The following KIAA1549L variants were observed in gnomAD, a reference collection of about 807,000 sequenced individuals.
The protein encoded by KIAA1549L is KIAA1549 like, also known as UPF0606 protein KIAA1549L.
A neutral mutation model predicts 160.7 loss-of-function variants in KIAA1549L; 88 were observed. The observed-to-expected ratio is 0.55, with a 90% confidence interval of 0.46 to 0.65. The LOEUF (loss-of-function observed/expected upper bound fraction) is 0.65. Among genes scored for constraint, KIAA1549L ranks in the 30% least tolerant of loss-of-function variants. KIAA1549L has a pLI of 0.00. For missense variants in KIAA1549L, 2,258 were observed against 2,437.5 expected (o/e 0.93, Z 1.55); for synonymous variants, 950 against 976.7 (o/e 0.97, Z 0.51).
intron 17 of KIAA1549L, among the ~76,000 whole-genome samples, chr11:33,652,727 T>G (rs760082410): frequency 2.6e-5 from 4 of 152,202 alleles, no homozygotes; most frequent in Non-Finnish European, 4.4e-5. Context: ...TCACTTGGTT[T>G]ATTGATAGTC....
chr11:33,608,305 G>T (rs1850561030), intron 14 of KIAA1549L, among the ~76,000 whole-genome samples: 1 of 152,186 alleles, frequency 6.6e-6, no homozygotes, highest in African/African-American at 2.4e-5. Context: ...TGATGATGAT[G>T]ATAATGATGA....
intron 1 of KIAA1549L, among the ~76,000 whole-genome samples, chr11:33,413,278 A>G (rs1026475972): frequency 6.6e-6 from 1 of 150,936 alleles, no homozygotes; most frequent in African/African-American, 2.4e-5. Context: ...TTTTAAATCA[A>G]GAATACCTCT....
intron 4 of KIAA1549L, among the ~76,000 whole-genome samples, chr11:33,550,245 T>A (rs1854413313): frequency 6.6e-6 from 1 of 152,026 alleles, no homozygotes. Context: ...AGGAGCTGCA[T>A]ACATATACGT....
At chr11:33,630,014 G>C (rs374674488) in intron 16 of KIAA1549L, among the ~76,000 whole-genome samples, 425 of 152,142 alleles carry the variant, frequency 2.8e-3, no homozygotes, top group Admixed American at 4.1e-3. Flanking sequence ...CAGACAGGAC[G>C]CTCAGCTGCA....
intron 15 of KIAA1549L, among the ~76,000 whole-genome samples, chr11:33,613,262 A>G (rs1236797925): frequency 6.6e-6 from 1 of 152,146 alleles, no homozygotes; most frequent in Admixed American, 6.5e-5. Context: ...CCTCACCAGC[A>G]TCTACTATTT....
intron 13 of KIAA1549L, among the ~76,000 whole-genome samples, chr11:33,601,032 T>A (rs1478249618): frequency 3.9e-5 from 6 of 152,094 alleles, no homozygotes; most frequent in African/African-American, 1.4e-4. Context: ...TGCCTCTTTA[T>A]TCTATTTAGG....
intron 4 of KIAA1549L, among the ~76,000 whole-genome samples, chr11:33,549,898 G>A (rs1040255919): frequency 2.0e-5 from 3 of 152,010 alleles, no homozygotes; most frequent in Admixed American, 2.0e-4. Context: ...CTAGCTACTC[G>A]AGAGGCTGAG....
chr11:33,387,101 T>A (rs1042577163), intron 1 of KIAA1549L, among the ~76,000 whole-genome samples: 1 of 152,024 alleles, frequency 6.6e-6, no homozygotes. Context: ...AGCAAGACTC[T>A]GTCTCAAAAA....
chr11:33,630,348 C>A (rs1851245444), intron 16 of KIAA1549L, among the ~76,000 whole-genome samples: 1 of 152,268 alleles, frequency 6.6e-6, no homozygotes, highest in South Asian at 2.1e-4. Flanking sequence ...CCTAAGCAAG[C>A]CTGGGCAATG....
At chr11:33,504,297 G>T (rs949234043) in intron 1 of KIAA1549L, among the ~76,000 whole-genome samples, 2 of 151,968 alleles carry the variant, frequency 1.3e-5, no homozygotes, top group African/African-American at 2.4e-5. Context: ...TTTTTCTTCT[G>T]ATGTAAGAAC....
At chr11:33,631,150 T>G (rs1189806117) in intron 16 of KIAA1549L, among the ~76,000 whole-genome samples, 1 of 152,164 alleles carries the variant, frequency 6.6e-6, no homozygotes, top group Non-Finnish European at 1.5e-5. Flanking sequence ...GACATCCTTC[T>G]AAAACACACA....
At chr11:33,463,754 G>T (rs911661935) in intron 1 of KIAA1549L, among the ~76,000 whole-genome samples, 11 of 152,166 alleles carry the variant, frequency 7.2e-5, no homozygotes, top group Non-Finnish European at 1.2e-4. Context: ...TTTGCTCTCT[G>T]AACAATTATT....
intron 1 of KIAA1549L, among the ~76,000 whole-genome samples, chr11:33,383,249 C>G (rs138728943): frequency 6.6e-6 from 1 of 151,552 alleles, no homozygotes; most frequent in Non-Finnish European, 1.5e-5. Context: ...AACCTTCAAG[C>G]CCATATTGTG....
At chr11:33,629,154 C>A (rs1482568806) in intron 16 of KIAA1549L, among the ~76,000 whole-genome samples, 2 of 152,148 alleles carry the variant, frequency 1.3e-5, no homozygotes, top group African/African-American at 4.8e-5. Flanking sequence ...CCGAGAGATC[C>A]GCTGTTAGTC....
intron 1 of KIAA1549L, among the ~76,000 whole-genome samples, chr11:33,446,670 T>C (rs1851618637): frequency 6.7e-6 from 1 of 149,676 alleles, no homozygotes; most frequent in South Asian, 2.1e-4. Flanking sequence ...AGAGGATACT[T>C]TTTTTTTTTA....
intron 1 of KIAA1549L, among the ~76,000 whole-genome samples, chr11:33,528,212 CA>C (rs1291233971): frequency 1.3e-5 from 2 of 152,074 alleles, no homozygotes; most frequent in Non-Finnish European, 2.9e-5. Context: ...AAATGGCCAA[CA>C]AACTATGAAA....
Position 33,667,900 on chromosome 11 carries a change from T to G in KIAA1549L, c.6187T>G (p.Tyr2063Asp). ...GCCCCTCCCAGGGTACATCGAGGCCTACCCCCGATCACGGTACCCCCAGAG... is the reference window on the plus strand; with the variant it reads ...GCCCCTCCCAGGGTACATCGAGGCCGACCCCCGATCACGGTACCCCCAGAG... ...SVPLPGYIEA[Y>D]PRSRYPQSSP... is the part of the protein sequence containing the mutation. The change falls in exon 21 of 21, where the codon TAC (tyrosine) becomes GAC (aspartate). Residue 2063 changes from tyrosine (Y) to aspartate (D), a missense_variant. Physicochemically the swap from Tyr to Asp is radical, Grantham distance 160. Around this residue, in one of 6 missense-constraint regions of KIAA1549L, gnomAD observed 1,359 missense variants for 1,546.6 expected, o/e 0.88. Coordinates refer to ENST00000658780, the MANE Select transcript of KIAA1549L (RefSeq NM_012194.3). 1 of 1,613,134 alleles carries G rather than the reference T, an allele frequency of 6.2e-7. No individual in the cohort carries two copies. The highest frequency in any genetic ancestry group is 8.5e-7 in the Non-Finnish European group (1 of 1,179,598).
chr11:33,545,525 G>A (rs984381475), intron 3 of KIAA1549L, 147 bp downstream of exon 3: 25 of 1,004,420 alleles, frequency 2.5e-5, no homozygotes, highest in Non-Finnish European at 3.3e-5. Context: ...AGACATTTTT[G>A]GTTGTTATGC....
At chr11:33,589,565 G>A (rs574999308) in intron 11 of KIAA1549L, among the ~76,000 whole-genome samples, 1 of 152,276 alleles carries the variant, frequency 6.6e-6, no homozygotes, top group African/African-American at 2.4e-5. Flanking sequence ...TATACACCAT[G>A]GAATACTATG....
Sources: allele counts gnomAD v4.1 joint callset (sites outside exome capture counted in the v4.1 genomes callset), GRCh38; gene constraint gnomAD v4.1.1; regional missense constraint gnomAD v4.1.1; transcripts MANE v1.5; gene names NCBI Gene and HGNC (gene_info 2026-07-23, HGNC 2026-07-21).